Variants in RPRD2 observed in about 807,000 individuals in gnomAD.
RPRD2 encodes the protein regulation of nuclear pre-mRNA domain containing 2.
Under a neutral mutation model 104.4 loss-of-function variants are expected in RPRD2, and 12 were observed. That is an observed-to-expected ratio of 0.11 (90% confidence interval 0.07 to 0.19). The LOEUF (loss-of-function observed/expected upper bound fraction) is 0.19. Among genes scored for constraint, RPRD2 ranks in the 10% least tolerant of loss-of-function variants. The probability of loss-of-function intolerance (pLI) is 1.00; values close to 1 mark genes in which losing one functional copy is unlikely to be tolerated. For synonymous variants in RPRD2, 714 were observed against 684.9 expected (o/e 1.04, Z -0.66); for missense variants, 1,543 against 1,790.1 (o/e 0.86, Z 2.49).
Position 150,471,074 on chromosome 1 carries a change from A to G in RPRD2, c.2126A>G (p.Gln709Arg). The G allele has an allele frequency of 6.2e-7, 1 of 1,614,004 alleles. No homozygotes were observed. ...APSESHPSDF[Q>R]RGPTSTSIDN... Reference sequence around the variant, plus strand: ...TCAGAGAGCCATCCCTCAGACTTCCAGCGTGGCCCTACTAGCACCTCAATC... The same window carrying G: ...TCAGAGAGCCATCCCTCAGACTTCCGGCGTGGCCCTACTAGCACCTCAATC... Residue 709 changes from glutamine (Q) to arginine (R), a missense_variant, in exon 11 of 11, where the codon CAG becomes CGG. By Grantham distance (43) the Gln-to-Arg change is conservative. Transcript: ENST00000369068. The surrounding 1 kb of genome is among the most constrained non-coding windows in gnomAD (Gnocchi z 5.3).
At position 150,431,473 on chromosome 1, in the gene RPRD2, ATTTTT is replaced by A. The variant is rs1160491386; in HGVS notation, c.336-9430_336-9426del. Among the ~76,000 whole-genome samples, 13 of 78,840 alleles carry A rather than the reference ATTTTT, an allele frequency of 1.6e-4. 1 individual carries two copies. Among genetic ancestry groups the A allele is most frequent in the East Asian group, 1.0e-3 (2 of 1,920 alleles). The allele number at this position is 78,840 out of a possible 152,430, so 51.7% of individuals were successfully genotyped here. On this transcript the variant is annotated intron_variant, in intron 2 of 10. Coordinates refer to ENST00000369068, the MANE Select transcript of RPRD2 (RefSeq NM_015203.5). Reference sequence around the variant, plus strand: ...TATTATTCAGTCTTAAAAAGGAAGGATTTTTTTTTTTTTTTTTTTTTTTTGAGACG... The same window carrying A: ...TATTATTCAGTCTTAAAAAGGAAGGATTTTTTTTTTTTTTTTTTTGAGACG...
intron 2 of RPRD2, among the ~76,000 whole-genome samples, chr1:150,429,507 A>C: frequency 6.6e-6 from 1 of 151,480 alleles, no homozygotes. Flanking sequence ...GGCACGCACA[A>C]CCATACCTGG....
chr1:150,388,612 T>C (rs963098041), intron 1 of RPRD2, among the ~76,000 whole-genome samples: 2 of 144,094 alleles, frequency 1.4e-5, no homozygotes, highest in African/African-American at 2.7e-5. Flanking sequence ...AATATTGATA[T>C]GTAATTTTTT....
At chr1:150,438,743 A>G (rs782089045) in intron 2 of RPRD2, among the ~76,000 whole-genome samples, 18 of 152,142 alleles carry the variant, frequency 1.2e-4, no homozygotes, top group African/African-American at 4.3e-4. Context: ...AACCGAAGCT[A>G]TGTTGTGTAG....
intron 1 of RPRD2, among the ~76,000 whole-genome samples, chr1:150,382,349 A>G (rs1422907741): frequency 6.6e-6 from 1 of 152,174 alleles, no homozygotes; most frequent in Non-Finnish European, 1.5e-5. Context: ...TGAGAACTTA[A>G]GAATTTTTTA....
chr1:150,467,781 G>A (rs1251419927), intron 10 of RPRD2, among the ~76,000 whole-genome samples: 1 of 152,090 alleles, frequency 6.6e-6, no homozygotes, highest in Non-Finnish European at 1.5e-5. Flanking sequence ...TTAAATAGAT[G>A]TATTTCCTCG....
At chr1:150,456,745 T>C (rs1484804310) in intron 7 of RPRD2, among the ~76,000 whole-genome samples, 6 of 150,838 alleles carry the variant, frequency 4.0e-5, no homozygotes, top group African/African-American at 1.2e-4. Flanking sequence ...GCCAACATGG[T>C]GAAACCCCGT....
At chr1:150,470,113 T>C (rs1668502605) in intron 10 of RPRD2, among the ~76,000 whole-genome samples, 1 of 152,012 alleles carries the variant, frequency 6.6e-6, no homozygotes, top group Non-Finnish European at 1.5e-5. Context: ...AGGTTGAAGG[T>C]TGGTTTGAAG....
At chr1:150,428,367 C>T (rs969419459) in intron 2 of RPRD2, among the ~76,000 whole-genome samples, 9 of 147,744 alleles carry the variant, frequency 6.1e-5, no homozygotes, top group Non-Finnish European at 1.0e-4. Context: ...GCAGGAGAAT[C>T]GCTTGAACCT....
At chr1:150,418,960 C>T (rs1024490746) in intron 2 of RPRD2, among the ~76,000 whole-genome samples, 3 of 152,212 alleles carry the variant, frequency 2.0e-5, no homozygotes, top group East Asian at 3.9e-4. Context: ...TGCAGTAAGC[C>T]GAGATCACGC....
intron 7 of RPRD2, among the ~76,000 whole-genome samples, chr1:150,447,092 C>T (rs963996593): frequency 1.4e-4 from 21 of 151,844 alleles, no homozygotes; most frequent in African/African-American, 4.6e-4. Context: ...GCCTTGGTCC[C>T]GCAAAGTGCT....
chr1:150,369,306 CAG>C (rs1384872691), intron 1 of RPRD2, among the ~76,000 whole-genome samples: 1 of 152,034 alleles, frequency 6.6e-6, no homozygotes, highest in African/African-American at 2.4e-5. Flanking sequence ...GGGGGAGGGA[CAG>C]AGTCTGGCTC....
chr1:150,456,030 A>C (rs949253421), intron 7 of RPRD2, among the ~76,000 whole-genome samples: 1 of 151,814 alleles, frequency 6.6e-6, no homozygotes, highest in Non-Finnish European at 1.5e-5. Flanking sequence ...GTATCTCCCT[A>C]TGTTGCCCAG....
intron 1 of RPRD2, among the ~76,000 whole-genome samples, chr1:150,412,929 G>C (rs1664045004): frequency 6.6e-6 from 1 of 151,976 alleles, no homozygotes; most frequent in Non-Finnish European, 1.5e-5. Context: ...CATCCTTTGG[G>C]CTGTGGGTTT....
At chr1:150,438,784 G>A (rs1321236177) in intron 2 of RPRD2, among the ~76,000 whole-genome samples, 1 of 152,124 alleles carries the variant, frequency 6.6e-6, no homozygotes, top group African/African-American at 2.4e-5. Flanking sequence ...AACCTGCACT[G>A]CATGTCACTG....
intron 2 of RPRD2, among the ~76,000 whole-genome samples, chr1:150,421,517 A>AT (rs1466681112): frequency 3.4e-4 from 51 of 152,114 alleles, no homozygotes; most frequent in Non-Finnish European, 4.7e-4. Context: ...ATCCAAGGTA[A>AT]TTTTTTTTAA....
chr1:150,452,287 C>T (rs1667238155), intron 7 of RPRD2, among the ~76,000 whole-genome samples: 1 of 152,060 alleles, frequency 6.6e-6, no homozygotes, highest in South Asian at 2.1e-4. Context: ...CACCAGAAAC[C>T]AGGAAATGGC....
At chr1:150,375,901 A>G (rs1162991368) in intron 1 of RPRD2, among the ~76,000 whole-genome samples, 2 of 152,158 alleles carry the variant, frequency 1.3e-5, no homozygotes, top group Non-Finnish European at 2.9e-5. Flanking sequence ...TTTCTCATCT[A>G]TTTGTCAAGG....
At position 150,473,213 on chromosome 1, in the gene RPRD2, G is replaced by A. The variant is rs754463286; in HGVS notation, c.4265G>A (p.Arg1422Gln). The A allele has an allele frequency of 8.7e-6, 14 of 1,613,760 alleles. No individual in the cohort carries two copies. Among genetic ancestry groups the A allele is most frequent in the East Asian group, 2.2e-5 (1 of 44,872 alleles). ...TTACGGAGTCCCCGGCCAGACTTTC[G>A]GCCTAGGGAACCTTTTCTCAGCAGA... Reference protein sequence around the residue: ...IILRSPRPDFRPREPFLSRDP... With the variant: ...IILRSPRPDFQPREPFLSRDP... The change falls in exon 11 of 11, where the codon CGG becomes CAG. Residue 1422 changes from arginine (R) to glutamine (Q), a missense_variant. Transcript: ENST00000369068.
Sources: allele counts gnomAD v4.1 joint callset (sites outside exome capture counted in the v4.1 genomes callset), GRCh38; gene constraint gnomAD v4.1.1; non-coding constraint Gnocchi (gnomAD v3.1); transcripts MANE v1.5; gene names NCBI Gene and HGNC (gene_info 2026-07-23, HGNC 2026-07-21).